The following MS4A1 variants were observed in gnomAD, a reference collection of about 807,000 sequenced individuals.
MS4A1 encodes B-lymphocyte antigen CD20.
MS4A1 carries 16 observed loss-of-function variants against 26.5 expected under a neutral mutation model. The observed-to-expected ratio is 0.60, with a 90% CI of 0.41 to 0.92. The LOEUF (loss-of-function observed/expected upper bound fraction) is 0.92. Among genes scored for constraint, MS4A1 ranks in the 40% least tolerant of loss-of-function variants. The pLI, the probability that MS4A1 is intolerant of heterozygous loss-of-function variation, is 0.00. For synonymous variants in MS4A1, 128 were observed against 117.6 expected (o/e 1.09, Z -0.57); for missense variants, 350 against 353.0 (o/e 0.99, Z 0.07).
At chr11:60,468,153 T>A in intron 7 of MS4A1, 97 bp from the exon 8 acceptor site, 8 of 1,170,666 alleles carry the variant, frequency 6.8e-6, no homozygotes, top group Non-Finnish European at 8.6e-6. Flanking sequence ...ATAAGTAGCA[T>A]AAAAACCAGG....
chr11:60,464,567 A>C (rs1489515884), intron 5 of MS4A1, among the ~76,000 whole-genome samples: 1 of 152,218 alleles, frequency 6.6e-6, no homozygotes, highest in Non-Finnish European at 1.5e-5. Flanking sequence ...CATGAAAACC[A>C]TACCTACAGT....
chr11:60,456,368 T>C (rs568178255), intron 1 of MS4A1, among the ~76,000 whole-genome samples: 6 of 152,306 alleles, frequency 3.9e-5, no homozygotes, highest in African/African-American at 1.4e-4. Context: ...ACTAAAATCC[T>C]GAATCCCTTA....
Position 60,468,439 on chromosome 11 carries a change from T to A in MS4A1, c.865T>A (p.Ser289Thr). 6.2e-7 allele frequency: 1 copy of A among 1,614,160 alleles called. No individual in the cohort carries two copies. The highest frequency in any genetic ancestry group is 8.5e-7 in the Non-Finnish European group (1 of 1,179,990). Reference sequence around the variant, plus strand: ...AGAACCTCCCCAAGATCAGGAATCCTCACCAATAGAAAATGACAGCTCTCC... The same window carrying A: ...AGAACCTCCCCAAGATCAGGAATCCACACCAATAGAAAATGACAGCTCTCC... ...FPEPPQDQES[S>T]PIENDSSP The change falls in exon 8 of 8, where the codon TCA becomes ACA. Residue 289 changes from serine to threonine, a missense_variant. Ser to Thr is a moderately conservative substitution (Grantham distance 58, BLOSUM62 1). Transcript: ENST00000345732.
chr11:60,464,255 C>A (rs200155881), intron 4 of MS4A1, 33 bp from the exon 5 acceptor site: 2 of 1,513,344 alleles, frequency 1.3e-6, no homozygotes, highest in Non-Finnish European at 9.2e-7. Flanking sequence ...TTGCCCACCC[C>A]CTCTCCATCT....
At chr11:60,466,200 G>A (rs1451218293) in intron 6 of MS4A1, 43 bp downstream of exon 6, 9 of 1,437,542 alleles carry the variant, frequency 6.3e-6, no homozygotes, top group Admixed American at 1.7e-5. Context: ...TCTCTCCAGG[G>A]AGGAAGGATG....
chr11:60,463,045 G>T lies in MS4A1; in HGVS notation c.203G>T (p.Gly68Val), dbSNP rs370620216. 39 of 1,614,116 alleles carry T rather than the reference G, an allele frequency of 2.4e-5. No homozygotes were observed. Among genetic ancestry groups the T allele is most frequent in the East Asian group, 2.0e-4 (9 of 44,882 alleles). ...GGGCTCTTCCACATTGCCCTGGGGG[G>T]TCTTCTGATGATCCCAGCAGGGATC... ...MNGLFHIALG[G>V]LLMIPAGIYA... Residue 68 changes from glycine (G) to valine (V), a missense_variant, in exon 4 of 8, where the codon GGT becomes GTT. Transcript: ENST00000345732.
intron 2 of MS4A1, among the ~76,000 whole-genome samples, chr11:60,461,596 T>G (rs2086248467): frequency 6.6e-6 from 1 of 151,714 alleles, no homozygotes; most frequent in Admixed American, 6.7e-5. Flanking sequence ...CTCAGCTCAC[T>G]GCAACCTCTG....
At chr11:60,462,661 G>C in intron 3 of MS4A1, 128 bp downstream of exon 3, 1 of 1,256,750 alleles carries the variant, frequency 8.0e-7, no homozygotes, top group Non-Finnish European at 1.1e-6. Context: ...TCTTCTTTAT[G>C]TCTAACACAG....
In MS4A1 at chr11:60,456,779, G is replaced by T. The variant is rs1409391516; in HGVS notation, c.-280+834G>T. Among the ~76,000 whole-genome samples, 4 of 152,204 alleles carry T rather than the reference G, an allele frequency of 2.6e-5. No individual in the cohort carries two copies. In the East Asian group the frequency reaches 7.7e-4, roughly 29 times the overall value. On this transcript the variant is annotated intron_variant, in intron 1 of 7. Transcript: ENST00000345732. ...TTAATCCAGCATTGTGAGCATTTTT[G>T]TGTGTGTGTTTTGTTTGTTTGTTCA... is the stretch of plus-strand genomic sequence containing the variant.
chr11:60,458,672 CA>C, intron 1 of MS4A1, among the ~76,000 whole-genome samples: 1 of 152,276 alleles, frequency 6.6e-6, no homozygotes, highest in Middle Eastern at 3.4e-3. Context: ...AATGATAAGG[CA>C]AAATTGCGAG....
Position 60,470,488 on chromosome 11 carries a change from T to C in MS4A1, c.*2020T>C. 6.6e-6 allele frequency: 1 copy of C among 152,004 alleles called. No individual in the cohort carries two copies. Among genetic ancestry groups the C allele is most frequent in the Non-Finnish European group, 1.5e-5 (1 of 67,890 alleles). 9.4% of individuals were successfully genotyped at this position (152,004 alleles called of 1,614,324 possible). On this transcript the variant is annotated 3_prime_UTR_variant, in exon 8 of 8. Coordinates refer to ENST00000345732, the MANE Select transcript of MS4A1 (RefSeq NM_152866.3). ...AGTCATTTGTATGACCTCAAATAAT[T>C]AGTTTTAGCTGACCTCACATAACTC...
intron 1 of MS4A1, among the ~76,000 whole-genome samples, chr11:60,457,032 A>G (rs2135190680): frequency 6.6e-6 from 1 of 152,314 alleles, no homozygotes; most frequent in South Asian, 2.1e-4. Flanking sequence ...TCCCTATGCA[A>G]GTCTAGTAGG....
Position 60,468,579 on chromosome 11 carries a change from T to G in MS4A1, c.*111T>G. ...ACTCTGCACATACGCACCACATCTC[T>G]ATCTGGCCTTTGCATGGAGTGACCA... is the stretch of plus-strand genomic sequence containing the variant. On this transcript the variant is annotated 3_prime_UTR_variant, in exon 8 of 8. Transcript: ENST00000345732. 2.4e-4 allele frequency: 224 copies of G among 947,226 alleles called. No homozygotes were observed. The highest frequency in any genetic ancestry group is 3.4e-4 in the Non-Finnish European group (202 of 596,792). The allele number at this position is 947,226 out of a possible 1,614,324, so 58.7% of individuals were successfully genotyped here.
intron 5 of MS4A1, 58 bp from the exon 6 acceptor site, chr11:60,465,863 G>C (rs781410032): frequency 1.5e-6 from 2 of 1,373,516 alleles, no homozygotes; most frequent in Non-Finnish European, 2.1e-6. Flanking sequence ...TTCCCTCCCA[G>C]ATTATGTTTT....
chr11:60,462,955 C>A (rs769931220), intron 3 of MS4A1, 47 bp from the exon 4 acceptor site: 1 of 1,610,064 alleles, frequency 6.2e-7, no homozygotes, highest in Non-Finnish European at 8.5e-7. Context: ...TGCCTGCTAG[C>A]AGTGATGATT....
rs1246977602 is a variant in MS4A1 at position 60,469,875 on chromosome 11, A to C, written c.*1407A>C. On this transcript the variant is annotated 3_prime_UTR_variant, in exon 8 of 8. Transcript: ENST00000345732. ...CATTTGCTACATGATGAGTGCTGCC[A>C]GATTGTGGCAGGTAAAGAGACAATG... 6.6e-6 allele frequency: 1 copy of C among 152,094 alleles called. No homozygotes were observed. Among genetic ancestry groups the C allele is most frequent in the Non-Finnish European group, 1.5e-5 (1 of 67,958 alleles). 9.4% of individuals were successfully genotyped at this position (152,094 alleles called of 1,614,324 possible). A position where few individuals can be genotyped will look rare whatever the true frequency, so the allele number is the denominator to read the frequency against.
chr11:60,460,321 T>G (rs2086238141), intron 1 of MS4A1, among the ~76,000 whole-genome samples: 1 of 152,216 alleles, frequency 6.6e-6, no homozygotes, highest in Non-Finnish European at 1.5e-5. Context: ...TCCGTGCCCT[T>G]GTTTCCTCTT....
At chr11:60,465,791 T>G in intron 5 of MS4A1, 130 bp from the exon 6 acceptor site, 1 of 722,870 alleles carries the variant, frequency 1.4e-6, no homozygotes, top group Non-Finnish European at 2.5e-6. Context: ...TAAAAACAAC[T>G]GAGAGAACTT....
intron 7 of MS4A1, 79 bp downstream of exon 7, chr11:60,467,139 C>T: frequency 8.2e-7 from 1 of 1,221,694 alleles, no homozygotes; most frequent in Non-Finnish European, 1.2e-6. Context: ...AGAATGTAAT[C>T]TGATGAGTTG....
Sources: allele counts gnomAD v4.1 joint callset (sites outside exome capture counted in the v4.1 genomes callset), GRCh38; gene constraint gnomAD v4.1.1; transcripts MANE v1.5; gene names NCBI Gene and HGNC (gene_info 2026-07-23, HGNC 2026-07-21).